The following RGS7 variants were observed in gnomAD, a reference collection of about 807,000 sequenced individuals.
The protein encoded by RGS7 is regulator of G protein signaling 7, also known as regulator of G-protein signaling 7.
Under a neutral mutation model 81.1 loss-of-function variants are expected in RGS7, and 27 were observed. That is an observed-to-expected ratio of 0.33 (90% CI 0.25 to 0.46). The LOEUF (loss-of-function observed/expected upper bound fraction) is 0.46. RGS7 is among the 20% of genes least tolerant of loss of function. The pLI is 1.00. For synonymous variants in RGS7, 208 were observed against 207.7 expected (o/e 1.00, Z -0.01); for missense variants, 396 against 607.4 (o/e 0.65, Z 3.66).
At chr1:240,790,475 A>C (rs920752701) in intron 18 of RGS7, among the ~76,000 whole-genome samples, 2 of 152,136 alleles carry the variant, frequency 1.3e-5, no homozygotes, top group Non-Finnish European at 2.9e-5. Context: ...TAGAGATTTT[A>C]ACTAAGGGAA....
chr1:240,810,627 T>C (rs1689686469), intron 14 of RGS7, among the ~76,000 whole-genome samples: 1 of 152,024 alleles, frequency 6.6e-6, no homozygotes, highest in Non-Finnish European at 1.5e-5. Flanking sequence ...TAATTTTAAT[T>C]TTTTGTAGAG....
At chr1:241,242,842 T>G (rs900552137) in intron 2 of RGS7, among the ~76,000 whole-genome samples, 2 of 152,180 alleles carry the variant, frequency 1.3e-5, no homozygotes, top group Non-Finnish European at 2.9e-5. Flanking sequence ...TGTTTTTTCT[T>G]CCTGATTTTT....
chr1:240,806,919 C>G (rs2103074243), intron 14 of RGS7, among the ~76,000 whole-genome samples: 1 of 152,136 alleles, frequency 6.6e-6, no homozygotes, highest in Middle Eastern at 3.4e-3. Context: ...AGAAAATGCT[C>G]TGGCTGGAAA....
rs142712483 is a variant in RGS7 at position 241,183,141 on chromosome 1, C to T, written c.79-84379G>A. 3.3e-3 allele frequency among the ~76,000 whole-genome samples: 504 copies of T among 152,236 alleles called. 8 individuals carry two copies. Among genetic ancestry groups the T allele is most frequent in the African/African-American group, 0.011 (471 of 41,558 alleles). On this transcript the variant is annotated intron_variant, in intron 2 of 18. Coordinates refer to ENST00000440928, the MANE Select transcript of RGS7 (RefSeq NM_001364886.1). The stretch of plus-strand genomic sequence containing the variant: ...TCCTCATTAGAGATCGCCCAAATAC[C>T]ACTCTCATTGCTTGGACATACAAGT...
At chr1:240,963,708 A>G (rs1449341153) in intron 4 of RGS7, among the ~76,000 whole-genome samples, 1 of 152,340 alleles carries the variant, frequency 6.6e-6, no homozygotes, top group Non-Finnish European at 1.5e-5. Flanking sequence ...GAGACAGTAA[A>G]TGCAGCTGAG....
chr1:240,992,242 G>A (rs1686560191), intron 3 of RGS7, among the ~76,000 whole-genome samples: 1 of 152,192 alleles, frequency 6.6e-6, no homozygotes, highest in African/African-American at 2.4e-5. Flanking sequence ...GTTGGCTCAT[G>A]CCTGTAATCC....
chr1:241,170,997 C>T (rs373035742), intron 2 of RGS7, among the ~76,000 whole-genome samples: 11 of 152,218 alleles, frequency 7.2e-5, no homozygotes, highest in African/African-American at 2.6e-4. Flanking sequence ...TTTAATATTT[C>T]AGTGTAGGAG....
chr1:241,162,344 C>T (rs2069790268), intron 2 of RGS7, among the ~76,000 whole-genome samples: 2 of 152,102 alleles, frequency 1.3e-5, no homozygotes, highest in East Asian at 1.9e-4. Flanking sequence ...AAGGGAAAAA[C>T]GCCTCAAGTG....
intron 9 of RGS7, among the ~76,000 whole-genome samples, chr1:240,855,758 CTTTTT>C (rs1558360116): frequency 1.3e-5 from 2 of 152,062 alleles, no homozygotes; most frequent in Non-Finnish European, 1.5e-5. Flanking sequence ...AAGATTTTAT[CTTTTT>C]AATTCATATT....
intron 18 of RGS7, among the ~76,000 whole-genome samples, chr1:240,798,634 C>T (rs972522959): frequency 2.6e-5 from 4 of 152,032 alleles, no homozygotes; most frequent in East Asian, 1.9e-4. Flanking sequence ...CTCCTTTGAC[C>T]CTTTAAATTT....
chr1:241,090,139 C>T (rs2063786077), intron 3 of RGS7, among the ~76,000 whole-genome samples: 1 of 149,488 alleles, frequency 6.7e-6, no homozygotes, highest in East Asian at 1.9e-4. Flanking sequence ...AGTGTGGCTG[C>T]CCTTTGGAGA....
intron 9 of RGS7, among the ~76,000 whole-genome samples, chr1:240,862,531 G>A (rs1430798113): frequency 6.6e-6 from 1 of 152,040 alleles, no homozygotes; most frequent in Non-Finnish European, 1.5e-5. Flanking sequence ...TGAATTAAAA[G>A]CTTTAGAAGG....
chr1:241,098,208 G>A (rs1478168006), intron 3 of RGS7, among the ~76,000 whole-genome samples: 2 of 152,172 alleles, frequency 1.3e-5, no homozygotes, highest in South Asian at 2.1e-4. Flanking sequence ...TTTGGTCACT[G>A]TCGAGTTCGG....
intron 3 of RGS7, among the ~76,000 whole-genome samples, chr1:240,996,320 G>A (rs1687276428): frequency 6.6e-6 from 1 of 152,134 alleles, no homozygotes; most frequent in Admixed American, 6.5e-5. Context: ...GATTGATCAT[G>A]TTGTTCAGGT....
intron 2 of RGS7, among the ~76,000 whole-genome samples, chr1:241,200,494 G>A (rs147024261): frequency 6.6e-6 from 1 of 152,164 alleles, no homozygotes; most frequent in Non-Finnish European, 1.5e-5. Flanking sequence ...AGACAACCCA[G>A]ATGCTAATTC....
intron 3 of RGS7, among the ~76,000 whole-genome samples, chr1:241,064,890 AT>A (rs2061972754): frequency 6.6e-6 from 1 of 152,140 alleles, no homozygotes. Flanking sequence ...CTCCACATTC[AT>A]GTCTTTTATT....
At chr1:241,238,971 T>C (rs1039782049) in intron 2 of RGS7, among the ~76,000 whole-genome samples, 17,194 of 144,422 alleles carry the variant, frequency 0.12, 1,004 homozygotes, top group East Asian at 0.18. Context: ...TCTCTCTTTT[T>C]TTTTTTTTTT....
chr1:241,125,257 A>G (rs1277660918), intron 2 of RGS7, among the ~76,000 whole-genome samples: 6 of 152,348 alleles, frequency 3.9e-5, no homozygotes, highest in East Asian at 1.9e-4. Context: ...ACCAGTCTCC[A>G]TAACAATGCT....
chr1:241,294,544 A>G (rs1286533391), intron 2 of RGS7, among the ~76,000 whole-genome samples: 4 of 152,246 alleles, frequency 2.6e-5, no homozygotes, highest in Non-Finnish European at 5.9e-5. Context: ...TAAATTTAGT[A>G]TCGCCTAAGT....
Sources: allele counts gnomAD v4.1 joint callset (sites outside exome capture counted in the v4.1 genomes callset), GRCh38; gene constraint gnomAD v4.1.1; transcripts MANE v1.5; gene names NCBI Gene and HGNC (gene_info 2026-07-23, HGNC 2026-07-21).